NKAIN3: variants seen among roughly 807,000 people sequenced by gnomAD.
NKAIN3 encodes the protein sodium/potassium transporting ATPase interacting 3.
A neutral mutation model predicts 30.2 loss-of-function variants in NKAIN3; 25 were observed. That is an observed-to-expected ratio of 0.83 (90% CI 0.60 to 1.16). The LOEUF (loss-of-function observed/expected upper bound fraction) is 1.16, where lower values mean the gene tolerates loss of function less well. NKAIN3 is among the 50% of genes most tolerant of loss of function. The pLI is 0.00. For synonymous variants in NKAIN3, 91 were observed against 89.6 expected, an observed-to-expected ratio of 1.02 and a Z score of -0.09; for missense variants, 225 against 254.1, an observed-to-expected ratio of 0.89 and a Z score of 0.78.
At chr8:62,683,908 C>T (rs143675371) in intron 3 of NKAIN3, among the ~76,000 whole-genome samples, 2,411 of 152,250 alleles carry the variant, frequency 0.016, 28 homozygotes, top group Non-Finnish European at 0.022. Context: ...CTGGCTGGTG[C>T]ATGGTTTGAC....
chr8:62,384,684 A>C (rs147004962), intron 1 of NKAIN3, among the ~76,000 whole-genome samples: 1 of 152,312 alleles, frequency 6.6e-6, no homozygotes, highest in African/African-American at 2.4e-5. Context: ...GTCTTCAGAC[A>C]CTTTTCTTGA....
At chr8:62,702,146 A>C (rs1238414601) in intron 3 of NKAIN3, among the ~76,000 whole-genome samples, 1 of 152,208 alleles carries the variant, frequency 6.6e-6, no homozygotes, top group Non-Finnish European at 1.5e-5. Context: ...AAGGATGCTC[A>C]AAGTCGGGTA....
At chr8:62,506,230 G>GA (rs1554540919) in intron 1 of NKAIN3, among the ~76,000 whole-genome samples, 1 of 141,960 alleles carries the variant, frequency 7.0e-6, no homozygotes, top group Admixed American at 7.0e-5. Flanking sequence ...GAGAATATTG[G>GA]GGGGGGGGAC....
At chr8:62,800,654 A>T (rs978169121) in intron 4 of NKAIN3, among the ~76,000 whole-genome samples, 2 of 152,204 alleles carry the variant, frequency 1.3e-5, no homozygotes, top group African/African-American at 4.8e-5. Context: ...GCCAAATAGG[A>T]AGAGCTCCGG....
Position 62,864,237 on chromosome 8 carries a change from G to T in NKAIN3, c.472-54216G>T, listed in dbSNP as rs1158352674. The T allele has an allele frequency of 3.9e-6, 3 of 777,012 alleles. No individual in the cohort carries two copies. In the African/African-American group the frequency reaches 5.2e-5, roughly 13 times the overall value. 48.1% of individuals were successfully genotyped at this position (777,012 alleles called of 1,614,324 possible). ...CGCAGAAGTGAAACTAAAAACAGCA[G>T]GATTAGAGGAGGCGGCCGAGGCAGA... On this transcript the variant is annotated intron_variant, in intron 4 of 6. Transcript: ENST00000623646.
chr8:62,258,177 A>G (rs1005361184), intron 1 of NKAIN3, among the ~76,000 whole-genome samples: 1 of 152,326 alleles, frequency 6.6e-6, no homozygotes, highest in East Asian at 1.9e-4. Context: ...AAATGAGCCA[A>G]TAGTACTTAA....
intron 1 of NKAIN3, among the ~76,000 whole-genome samples, chr8:62,431,031 T>C (rs1263539611): frequency 2.0e-5 from 3 of 151,834 alleles, no homozygotes; most frequent in African/African-American, 7.2e-5. Flanking sequence ...TAGGAGAAAG[T>C]TTGTTAGAAA....
At chr8:62,319,142 T>C (rs2129589241) in intron 1 of NKAIN3, among the ~76,000 whole-genome samples, 1 of 152,350 alleles carries the variant, frequency 6.6e-6, no homozygotes. Flanking sequence ...TAGTATTCTC[T>C]GATGGTAGTT....
At chr8:62,986,268 C>T (rs527254585), downstream of NKAIN3, among the ~76,000 whole-genome samples, 13 of 152,292 alleles carry the variant, frequency 8.5e-5, no homozygotes, top group South Asian at 8.3e-4. Flanking sequence ...TCCTGTGGAA[C>T]GCAGCCCATT....
At chr8:62,963,400 A>G (rs1823626057) in intron 6 of NKAIN3, among the ~76,000 whole-genome samples, 1 of 152,130 alleles carries the variant, frequency 6.6e-6, no homozygotes. Flanking sequence ...TGCTTCACCA[A>G]TCCATGTTGC....
chr8:62,942,227 T>G (rs1176843045), intron 5 of NKAIN3, among the ~76,000 whole-genome samples: 2 of 141,128 alleles, frequency 1.4e-5, no homozygotes, highest in Non-Finnish European at 3.0e-5. Flanking sequence ...TATATATACA[T>G]ATATATACAC....
intron 3 of NKAIN3, among the ~76,000 whole-genome samples, chr8:62,738,160 C>T (rs1014719391): frequency 6.6e-5 from 10 of 152,204 alleles, no homozygotes; most frequent in African/African-American, 2.4e-4. Flanking sequence ...TATTTCTCCA[C>T]ATCCTCTCCA....
intron 3 of NKAIN3, among the ~76,000 whole-genome samples, chr8:62,597,075 T>C (rs1236749411): frequency 1.3e-5 from 2 of 152,118 alleles, no homozygotes; most frequent in East Asian, 3.9e-4. Context: ...CTGCTGCCAC[T>C]ACCCATAAAC....
chr8:62,663,695 T>A (rs1458267715), intron 3 of NKAIN3, among the ~76,000 whole-genome samples: 2 of 152,206 alleles, frequency 1.3e-5, no homozygotes, highest in Non-Finnish European at 2.9e-5. Context: ...GTGCTTTCTA[T>A]ATAACATCAT....
chr8:62,268,231 C>T (rs1361111855), intron 1 of NKAIN3, among the ~76,000 whole-genome samples: 2 of 152,190 alleles, frequency 1.3e-5, no homozygotes, highest in East Asian at 3.9e-4. Context: ...AAATACTCAA[C>T]TGGAGAAGGA....
At chr8:62,653,817 C>A (rs1010474420) in intron 3 of NKAIN3, among the ~76,000 whole-genome samples, 1 of 152,078 alleles carries the variant, frequency 6.6e-6, no homozygotes, top group Non-Finnish European at 1.5e-5. Flanking sequence ...GATCTTATTC[C>A]AGAATTATTC....
chr8:62,855,785 A>G (rs925129137), intron 4 of NKAIN3: 13 of 1,067,370 alleles, frequency 1.2e-5, no homozygotes, highest in African/African-American at 1.1e-4. Flanking sequence ...TCTTCCTTTT[A>G]TCATCAGCAA....
At chr8:62,404,108 G>A (rs55737832) in intron 1 of NKAIN3, among the ~76,000 whole-genome samples, 49,369 of 152,150 alleles carry the variant, frequency 0.32, 9,557 homozygotes, top group South Asian at 0.45. Flanking sequence ...CTTTGTTTTG[G>A]CCAATTTATC....
At chr8:62,662,882 G>A (rs1812989401) in intron 3 of NKAIN3, among the ~76,000 whole-genome samples, 1 of 152,194 alleles carries the variant, frequency 6.6e-6, no homozygotes, top group Non-Finnish European at 1.5e-5. Context: ...ACATAAATAA[G>A]TGCTGTAATG....
Sources: gnomAD v4.1 joint callset for allele counts (sites outside exome capture counted in the v4.1 genomes callset) on GRCh38, gnomAD v4.1.1 for gene constraint, MANE v1.5 for transcripts, NCBI Gene and HGNC (gene_info 2026-07-23, HGNC 2026-07-21) for gene names.